The following FAM149B1 variants were observed in gnomAD, a reference collection of about 807,000 sequenced individuals.
FAM149B1 encodes the protein family with sequence similarity 149 member B1, also known as primary cilium assembly protein FAM149B1.
In FAM149B1, 56 loss-of-function variants were observed where a neutral mutation model predicts 75.3. The ratio of observed to expected loss-of-function variants is 0.74; its 90% CI spans 0.60 to 0.93. FAM149B1 has a LOEUF of 0.93. Among genes scored for constraint, FAM149B1 ranks in the 40% least tolerant of loss-of-function variants. FAM149B1 has a pLI of 0.00. For synonymous variants in FAM149B1, 259 were observed against 256.1 expected, an observed-to-expected ratio of 1.01 and a Z score of -0.11; for missense variants, 639 against 708.4, an observed-to-expected ratio of 0.90 and a Z score of 1.11.
At chr10:73,232,845 G>A in intron 9 of FAM149B1, 94 bp from the exon 10 acceptor site, 1 of 724,554 alleles carries the variant, frequency 1.4e-6, no homozygotes, top group African/African-American at 1.8e-5. Context: ...CCCCCTAAAT[G>A]TAGTTTCTAG....
chr10:73,192,180 G>A (rs562185782), intron 3 of FAM149B1: 16 of 169,990 alleles, frequency 9.4e-5, no homozygotes, highest in Admixed American at 2.0e-4. Flanking sequence ...GTTTACAGGC[G>A]TGAGCTACCA....
At chr10:73,196,356 C>G (rs1431763683) in intron 5 of FAM149B1, among the ~76,000 whole-genome samples, 2 of 151,354 alleles carry the variant, frequency 1.3e-5, no homozygotes, top group African/African-American at 4.9e-5. Context: ...GGGTCTTGCT[C>G]TGTCACCCAG....
At chr10:73,178,906 G>T (rs1381843264) in intron 3 of FAM149B1, among the ~76,000 whole-genome samples, 4 of 151,942 alleles carry the variant, frequency 2.6e-5, no homozygotes, top group African/African-American at 9.7e-5. Flanking sequence ...ATTTTTTAAA[G>T]ACAATTTTTA....
intron 5 of FAM149B1, among the ~76,000 whole-genome samples, chr10:73,197,349 T>TA (rs1047423626): frequency 2.0e-5 from 3 of 152,150 alleles, no homozygotes; most frequent in Admixed American, 6.5e-5. Context: ...TTACATTTTT[T>TA]AAAAAACGAC....
At chr10:73,223,837 G>A (rs558134844) in intron 7 of FAM149B1, among the ~76,000 whole-genome samples, 2 of 152,094 alleles carry the variant, frequency 1.3e-5, no homozygotes, top group African/African-American at 4.8e-5. Flanking sequence ...CACAGGACAG[G>A]TGGTAATTAA....
Position 73,241,115 on chromosome 10 carries a change from A to T in FAM149B1, c.*96A>T. The stretch of plus-strand genomic sequence containing the variant: ...GATGCAGAGCTTGTATAGAAGATCG[A>T]CTAGAAATCATCTTCATGAAGAGTG... On this transcript the variant is annotated 3_prime_UTR_variant, in exon 14 of 14. Transcript: ENST00000242505. The T allele has an allele frequency of 1.3e-6, 1 of 763,678 alleles. No homozygotes were observed. Among genetic ancestry groups the T allele is most frequent in the South Asian group, 1.5e-5 (1 of 66,896 alleles). 47.3% of individuals were successfully genotyped at this position (763,678 alleles called of 1,614,324 possible). A position where few individuals can be genotyped will look rare whatever the true frequency, so the allele number is the denominator to read the frequency against.
chr10:73,191,369 TC>T (rs2042679842), intron 3 of FAM149B1, among the ~76,000 whole-genome samples: 1 of 149,098 alleles, frequency 6.7e-6, no homozygotes, highest in Non-Finnish European at 1.5e-5. Flanking sequence ...GGAGTTTCAT[TC>T]TTGTTGCCCA....
chr10:73,213,104 C>G (rs1021257502), intron 7 of FAM149B1, among the ~76,000 whole-genome samples: 31 of 152,200 alleles, frequency 2.0e-4, no homozygotes, highest in Non-Finnish European at 4.4e-5. Flanking sequence ...GTCTTGGCCT[C>G]CCAAAGTGCT....
chr10:73,168,854 G>GTACAAAC (rs1368102216), intron 1 of FAM149B1: 2 of 158,638 alleles, frequency 1.3e-5, no homozygotes, highest in Non-Finnish European at 2.8e-5. Flanking sequence ...CAGCTTGAAG[G>GTACAAAC]TGGTAGAGCT....
intron 7 of FAM149B1, among the ~76,000 whole-genome samples, chr10:73,217,237 G>A (rs1022683550): frequency 3.9e-5 from 6 of 152,182 alleles, no homozygotes; most frequent in African/African-American, 1.2e-4. Flanking sequence ...GCCATTACAT[G>A]TAAAGGTGTT....
In FAM149B1 at chr10:73,202,920, T is replaced by TA. The variant is rs562953321; in HGVS notation, c.543-5698dup. Among the ~76,000 whole-genome samples, 23 of 152,214 alleles carry TA rather than the reference T, an allele frequency of 1.5e-4. No individual in the cohort carries two copies. The South Asian group carries it at 4.8e-3, about 32-fold the overall frequency. Reference sequence around the variant, plus strand: ...CCCAGGCTGAGCTTCTCTCATCTCTTACCATCTCCATCCCAGTGCCACCTG... The same window carrying TA: ...CCCAGGCTGAGCTTCTCTCATCTCTTAACCATCTCCATCCCAGTGCCACCTG... On this transcript the variant is annotated intron_variant, in intron 5 of 13. Transcript: ENST00000242505.
chr10:73,218,765 T>C (rs2043347372), intron 7 of FAM149B1, among the ~76,000 whole-genome samples: 1 of 152,214 alleles, frequency 6.6e-6, no homozygotes, highest in Non-Finnish European at 1.5e-5. Flanking sequence ...CTCTGTCCAA[T>C]GTTAGCATCT....
chr10:73,198,784 G>A lies in FAM149B1; in HGVS notation c.542+5191G>A, dbSNP rs1330247998. Among the ~76,000 whole-genome samples the A allele has an allele frequency of 2.0e-5, 3 of 152,094 alleles. No homozygotes were observed. The East Asian group carries it at 5.8e-4, about 29-fold the overall frequency. ...CGCACCATTGCACTCCAGCCTGGGCGGCAAGAGTGAAACTCCATCTCAAAA... is the reference window on the plus strand; with the variant it reads ...CGCACCATTGCACTCCAGCCTGGGCAGCAAGAGTGAAACTCCATCTCAAAA... On this transcript the variant is annotated intron_variant, in intron 5 of 13. Coordinates refer to ENST00000242505, the MANE Select transcript of FAM149B1 (RefSeq NM_173348.2).
At chr10:73,202,751 T>G (rs776711654) in intron 5 of FAM149B1, among the ~76,000 whole-genome samples, 8 of 151,046 alleles carry the variant, frequency 5.3e-5, no homozygotes, top group Non-Finnish European at 8.8e-5. Context: ...AGTACAGTGG[T>G]GCAATCTCAG....
chr10:73,185,874 T>C (rs2042509748), intron 3 of FAM149B1, among the ~76,000 whole-genome samples: 1 of 152,140 alleles, frequency 6.6e-6, no homozygotes, highest in African/African-American at 2.4e-5. Context: ...TACACTTAAA[T>C]ATTTAAAGAA....
At chr10:73,194,674 T>C (rs11000544) in intron 5 of FAM149B1, among the ~76,000 whole-genome samples, 1 of 149,012 alleles carries the variant, frequency 6.7e-6, no homozygotes, top group Non-Finnish European at 1.5e-5. Context: ...TTTTTTTTTC[T>C]TTTTTCTTTT....
chr10:73,214,548 A>G (rs932996776), intron 7 of FAM149B1, among the ~76,000 whole-genome samples: 2 of 152,184 alleles, frequency 1.3e-5, no homozygotes, highest in African/African-American at 4.8e-5. Flanking sequence ...TTGTGCATCT[A>G]TTGAGATGAT....
Position 73,185,624 on chromosome 10 carries a change from T to G in FAM149B1, c.283-6932T>G, listed in dbSNP as rs369037570. 6.8e-4 allele frequency among the ~76,000 whole-genome samples: 104 copies of G among 152,312 alleles called. 3 individuals carry two copies. In the South Asian group the frequency reaches 0.021, roughly 30 times the overall value. On this transcript the variant is annotated intron_variant, in intron 3 of 13. Transcript: ENST00000242505. ...TAGTAAACTCTATCAAATATTTAAATTCTAGTAAACTTTATCAAATATTTA... is the reference window on the plus strand; with the variant it reads ...TAGTAAACTCTATCAAATATTTAAAGTCTAGTAAACTTTATCAAATATTTA...
intron 5 of FAM149B1, among the ~76,000 whole-genome samples, chr10:73,202,514 C>T (rs1335253265): frequency 6.6e-6 from 1 of 151,712 alleles, no homozygotes; most frequent in Non-Finnish European, 1.5e-5. Context: ...CTCACTGCAA[C>T]CTCTGCCTCC....
Sources: allele counts gnomAD v4.1 joint callset (sites outside exome capture counted in the v4.1 genomes callset), GRCh38; gene constraint gnomAD v4.1.1; transcripts MANE v1.5; gene names NCBI Gene and HGNC (gene_info 2026-07-23, HGNC 2026-07-21).